Variants in ATP10B observed in about 807,000 individuals in gnomAD.
ATP10B encodes phospholipid-transporting ATPase VB.
Under a neutral mutation model 141.2 loss-of-function variants are expected in ATP10B, and 122 were observed. That is an observed-to-expected ratio of 0.86 (90% CI 0.75 to 1.00). ATP10B has a LOEUF of 1.00. ATP10B is among the 50% of genes least tolerant of loss of function. ATP10B has a pLI of 0.00. For synonymous variants in ATP10B, 685 were observed against 692.0 expected (o/e 0.99, Z 0.16); for missense variants, 1,876 against 1,825.3 (o/e 1.03, Z -0.51).
chr5:160,693,371 G>T (rs1444003559), intron 3 of ATP10B, among the ~76,000 whole-genome samples: 2 of 148,056 alleles, frequency 1.4e-5, no homozygotes, highest in African/African-American at 5.0e-5. Flanking sequence ...AGTATTTAGA[G>T]GTAAAGGGCA....
intron 6 of ATP10B, among the ~76,000 whole-genome samples, chr5:160,671,887 C>T (rs1251120811): frequency 6.6e-6 from 1 of 151,074 alleles, no homozygotes; most frequent in Non-Finnish European, 1.5e-5. Context: ...ACAGTTTTTG[C>T]TGCTTGGGTA....
intron 2 of ATP10B, among the ~76,000 whole-genome samples, chr5:160,747,627 A>G (rs965024939): frequency 6.6e-6 from 1 of 152,186 alleles, no homozygotes; most frequent in African/African-American, 2.4e-5. Context: ...CAGAAGCTGG[A>G]AGAAGCATGG....
the ATP10B span, among the ~76,000 whole-genome samples, chr5:160,858,330 CTTTTAT>C: frequency 4.7e-5 from 7 of 147,488 alleles, no homozygotes; most frequent in East Asian, 1.9e-4. Flanking sequence ...TTTTTCCATC[CTTTTAT>C]TTTTAATCTG....
chr5:160,818,417 C>T (rs957056038), intron 1 of ATP10B, among the ~76,000 whole-genome samples: 1 of 152,164 alleles, frequency 6.6e-6, no homozygotes, highest in Admixed American at 6.5e-5. Flanking sequence ...TATCACTGGC[C>T]ATCAGAGAAA....
chr5:160,566,494 A>C (rs1754544418), intron 25 of ATP10B, among the ~76,000 whole-genome samples: 1 of 152,182 alleles, frequency 6.6e-6, no homozygotes, highest in Non-Finnish European at 1.5e-5. Flanking sequence ...GATTTGCCAG[A>C]TAAAGAAATA....
chr5:160,589,152 C>T (rs988542609), intron 24 of ATP10B, among the ~76,000 whole-genome samples: 1 of 152,136 alleles, frequency 6.6e-6, no homozygotes, highest in Non-Finnish European at 1.5e-5. Context: ...GCTGTGACCA[C>T]AGGCGCCTGC....
chr5:160,926,588 G>A, the ATP10B span, among the ~76,000 whole-genome samples: 2 of 152,150 alleles, frequency 1.3e-5, no homozygotes, highest in Admixed American at 6.5e-5. Flanking sequence ...CGCCAGAAAC[G>A]CTTAACACCC....
At chr5:160,812,423 C>G (rs1052125541) in intron 1 of ATP10B, among the ~76,000 whole-genome samples, 9 of 152,208 alleles carry the variant, frequency 5.9e-5, no homozygotes, top group Non-Finnish European at 1.0e-4. Context: ...TACCAGGGAC[C>G]AATCCTGGAG....
intron 1 of ATP10B, among the ~76,000 whole-genome samples, chr5:160,830,410 A>G (rs1438591092): frequency 6.6e-6 from 1 of 152,138 alleles, no homozygotes; most frequent in Non-Finnish European, 1.5e-5. Flanking sequence ...TGTTCAATAC[A>G]TGTGTGCTGA....
At chr5:160,685,148 A>G (rs1017169334) in intron 6 of ATP10B, 1 of 693,784 alleles carries the variant, frequency 1.4e-6, no homozygotes, top group Non-Finnish European at 2.6e-6. Context: ...CATCCTTCAA[A>G]GAGCAAGTTA....
the ATP10B span, among the ~76,000 whole-genome samples, chr5:160,865,451 G>A: frequency 2.6e-5 from 4 of 152,042 alleles, no homozygotes; most frequent in Non-Finnish European, 5.9e-5. Flanking sequence ...CTAAATCTAA[G>A]ACCTGAAACC....
At chr5:160,620,232 G>T (rs1354100336) in intron 15 of ATP10B, 115 bp downstream of exon 15, 2 of 1,367,248 alleles carry the variant, frequency 1.5e-6, no homozygotes, top group African/African-American at 1.5e-5. Flanking sequence ...CTGTATTCCA[G>T]TTGGGACCTG....
At chr5:160,836,702 C>T (rs989548313) in intron 1 of ATP10B, among the ~76,000 whole-genome samples, 3 of 152,114 alleles carry the variant, frequency 2.0e-5, no homozygotes, top group Non-Finnish European at 2.9e-5. Context: ...GGGTTTCATA[C>T]ATTTGGTCCC....
At chr5:160,683,164 A>G (rs1763537074) in intron 6 of ATP10B, among the ~76,000 whole-genome samples, 1 of 152,130 alleles carries the variant, frequency 6.6e-6, no homozygotes, top group South Asian at 2.1e-4. Context: ...TCCTCTCTTT[A>G]TAATTTTCAT....
chr5:160,775,829 C>A (rs538819761), intron 2 of ATP10B, among the ~76,000 whole-genome samples: 2 of 151,964 alleles, frequency 1.3e-5, no homozygotes, highest in East Asian at 3.9e-4. Context: ...TACAGGCACC[C>A]GCCACCATGC....
chr5:160,866,551 C>A, the ATP10B span, among the ~76,000 whole-genome samples: 1 of 151,884 alleles, frequency 6.6e-6, no homozygotes, highest in Non-Finnish European at 1.5e-5. Context: ...TGCATGCCTG[C>A]AATCCCAGCT....
intron 1 of ATP10B, among the ~76,000 whole-genome samples, chr5:160,841,426 T>C (rs901143277): frequency 2.0e-5 from 3 of 152,156 alleles, no homozygotes; most frequent in Non-Finnish European, 4.4e-5. Context: ...AAGAACAACA[T>C]TGGCTCCCAT....
chr5:160,738,353 C>T (rs1767259095), intron 2 of ATP10B, among the ~76,000 whole-genome samples: 1 of 151,914 alleles, frequency 6.6e-6, no homozygotes. Flanking sequence ...ATCTAGGTTT[C>T]CCTCTTATGA....
chr5:160,682,266 G>A (rs1311723794), intron 6 of ATP10B, among the ~76,000 whole-genome samples: 5 of 152,186 alleles, frequency 3.3e-5, no homozygotes, highest in African/African-American at 1.2e-4. Context: ...GGGTCCATTG[G>A]AGGAGGGCCA....
Sources: allele counts gnomAD v4.1 joint callset (sites outside exome capture counted in the v4.1 genomes callset), GRCh38; gene constraint gnomAD v4.1.1; transcripts MANE v1.5; gene names NCBI Gene and HGNC (gene_info 2026-07-23, HGNC 2026-07-21).